The following RP1 variants were observed in gnomAD, a reference collection of about 807,000 sequenced individuals.
The protein encoded by RP1 is RP1 axonemal microtubule associated, also known as oxygen-regulated protein 1.
RP1 carries 16 observed loss-of-function variants against 14.8 expected under a neutral mutation model. That is an observed-to-expected ratio of 1.08 (90% confidence interval 0.73 to 1.65). RP1 has a LOEUF of 1.65. Ranked by LOEUF, RP1 falls within the 40% of genes most tolerant of loss-of-function variation. The pLI, the probability that RP1 is intolerant of heterozygous loss-of-function variation, is 0.00. For missense variants in RP1, 2,631 were observed against 2,535.0 expected, an observed-to-expected ratio of 1.04 and a Z score of -0.81; for synonymous variants, 876 against 883.6, an observed-to-expected ratio of 0.99 and a Z score of 0.15.
intron 3 of RP1, among the ~76,000 whole-genome samples, chr8:54,642,732 G>A (rs1383323589): frequency 6.6e-6 from 1 of 152,084 alleles, no homozygotes; most frequent in African/African-American, 2.4e-5. Context: ...GTAAATTACA[G>A]GAGTAAAATA....
chr8:54,721,599 C>A (rs958958013), intron 16 of RP1, among the ~76,000 whole-genome samples: 1 of 152,166 alleles, frequency 6.6e-6, no homozygotes, highest in African/African-American at 2.4e-5. Context: ...CATTTGTCAA[C>A]CTTAGGGTAT....
intron 12 of RP1, among the ~76,000 whole-genome samples, chr8:54,695,475 C>A (rs1170863829): frequency 6.6e-6 from 1 of 151,544 alleles, no homozygotes; most frequent in African/African-American, 2.4e-5. Context: ...TTATTGAGTT[C>A]TTACTGAAAA....
At chr8:54,751,318 T>C (rs1563365856) in intron 19 of RP1, among the ~76,000 whole-genome samples, 1 of 152,232 alleles carries the variant, frequency 6.6e-6, no homozygotes, top group Non-Finnish European at 1.5e-5. Flanking sequence ...GGCCTGAAGA[T>C]GAGAGGTCCT....
intron 1 of RP1, among the ~76,000 whole-genome samples, chr8:54,568,706 G>T (rs1396385106): frequency 1.3e-5 from 2 of 152,224 alleles, no homozygotes; most frequent in Non-Finnish European, 2.9e-5. Flanking sequence ...CCTAGTATGT[G>T]CCAGGCACAT....
intron 22 of RP1, among the ~76,000 whole-genome samples, chr8:54,763,102 C>G (rs548507158): frequency 6.6e-6 from 1 of 152,074 alleles, no homozygotes; most frequent in East Asian, 1.9e-4. Context: ...TGAGTGGATT[C>G]TGTAATGTAT....
intron 27 of RP1, among the ~76,000 whole-genome samples, chr8:54,858,120 T>A (rs1283898458): frequency 6.6e-6 from 1 of 152,150 alleles, no homozygotes; most frequent in Non-Finnish European, 1.5e-5. Context: ...CATATTTAAA[T>A]CAGTGAAATG....
rs527493384 is a variant in RP1, at chr8:54,586,298, G to C, written c.-13+26978G>C. Among the ~76,000 whole-genome samples, 4 of 152,328 alleles carry C rather than the reference G, an allele frequency of 2.6e-5. No homozygotes were observed. In the South Asian group the frequency reaches 8.3e-4, roughly 32 times the overall value. On this transcript the variant is annotated intron_variant, in intron 1 of 22. Transcript: ENST00000636932. ...GTTTGCCTGGGTATCAGCAGCAGAG[G>C]CTGCAGAACAGTGGATATTGGTGAA...
intron 15 of RP1, among the ~76,000 whole-genome samples, chr8:54,707,643 G>T (rs1260418271): frequency 2.0e-5 from 3 of 152,192 alleles, no homozygotes; most frequent in Non-Finnish European, 4.4e-5. Flanking sequence ...CTTCTTACCA[G>T]TCATGATGTC....
At position 54,823,071 on chromosome 8, in the gene RP1, T is replaced by C. The variant is rs568954803; in HGVS notation, c.3616-14379T>C. On this transcript the variant is annotated intron_variant, in intron 24 of 28. Transcript: ENST00000637698. ...TTAGTACAATGTGTGTGCATAGTTC[T>C]ACGTTGTTTTATCAGGTGTATAGCA... Among the ~76,000 whole-genome samples, 11 of 152,282 alleles carry C rather than the reference T, an allele frequency of 7.2e-5. No individual in the cohort carries two copies. The East Asian group carries it at 2.1e-3, about 29-fold the overall frequency.
chr8:54,586,350 C>T (rs1804921532), intron 1 of RP1, among the ~76,000 whole-genome samples: 1 of 152,188 alleles, frequency 6.6e-6, no homozygotes, highest in Non-Finnish European at 1.5e-5. Context: ...CTGATCCTTC[C>T]TCTGGAATTT....
At chr8:54,770,762 T>A (rs1432317903), downstream of RP1, among the ~76,000 whole-genome samples, 3 of 151,656 alleles carry the variant, frequency 2.0e-5, no homozygotes, top group Non-Finnish European at 4.4e-5. Context: ...TTATATTAAC[T>A]TCTTTTAATT....
At chr8:54,664,047 A>G (rs893120605) in intron 7 of RP1, among the ~76,000 whole-genome samples, 3 of 152,054 alleles carry the variant, frequency 2.0e-5, no homozygotes, top group African/African-American at 7.2e-5. Context: ...ACAACTCCCC[A>G]TTTCTCCTTC....
At chr8:54,745,784 C>A (rs866364888) in intron 19 of RP1, among the ~76,000 whole-genome samples, 3 of 151,308 alleles carry the variant, frequency 2.0e-5, no homozygotes, top group Non-Finnish European at 2.9e-5. Flanking sequence ...TATTTCTCAT[C>A]TACCCCAACA....
At chr8:54,784,896 A>G (rs563844456) in intron 24 of RP1, among the ~76,000 whole-genome samples, 1 of 151,924 alleles carries the variant, frequency 6.6e-6, no homozygotes, top group Non-Finnish European at 1.5e-5. Flanking sequence ...TCATATCATA[A>G]CATTCATTCA....
At chr8:54,820,344 G>A (rs1023863704) in intron 24 of RP1, among the ~76,000 whole-genome samples, 2 of 152,250 alleles carry the variant, frequency 1.3e-5, no homozygotes, top group South Asian at 4.1e-4. Flanking sequence ...GTCCAGTGAA[G>A]TACCAGGACT....
At position 54,670,703 on chromosome 8, in the gene RP1, ATAT is replaced by A. The variant is rs1295189141; in HGVS notation, c.1324-3146_1324-3144del. On this transcript the variant is annotated intron_variant, in intron 7 of 22. Coordinates refer to the RP1 transcript ENST00000636932. Reference sequence around the variant, plus strand: ...TATATATATATATATATATATATATATATAAAACATTAAGTCCTGGTGAATTAA... The same window carrying A: ...TATATATATATATATATATATATATAAAAACATTAAGTCCTGGTGAATTAA... Among the ~76,000 whole-genome samples the A allele has an allele frequency of 2.9e-3, 389 of 136,246 alleles. 23 individuals carry two copies. Among genetic ancestry groups the A allele is most frequent in the African/African-American group, 4.3e-3 (153 of 35,712 alleles). 89.4% of individuals were successfully genotyped at this position (136,246 alleles called of 152,430 possible).
At position 54,708,353 on chromosome 8, in the gene RP1, G is replaced by GTT. The variant is rs529900167; in HGVS notation, c.2211+1711_2211+1712dup. Among the ~76,000 whole-genome samples, 620 of 144,112 alleles carry GTT rather than the reference G, an allele frequency of 4.3e-3. 2 individuals carry two copies. Among genetic ancestry groups the GTT allele is most frequent in the African/African-American group, 9.9e-3 (389 of 39,228 alleles). The allele number at this position is 144,112 out of a possible 152,430, so 94.5% of individuals were successfully genotyped here. A position where few individuals can be genotyped will look rare whatever the true frequency, so the allele number is the denominator to read the frequency against. ...TACTCTAGCTGAATGGTGATTTCTG[G>GTT]TTTTTTTTTTTTTTCTTTTTTGAGA... On this transcript the variant is annotated intron_variant, in intron 15 of 22. Transcript: ENST00000636932.
intron 1 of RP1, among the ~76,000 whole-genome samples, chr8:54,570,102 C>T (rs919211463): frequency 5.3e-5 from 8 of 152,110 alleles, no homozygotes; most frequent in South Asian, 2.1e-4. Context: ...TTCCTTTGAA[C>T]GTCCCCACGC....
chr8:54,703,183 A>G (rs1254239917), intron 14 of RP1, among the ~76,000 whole-genome samples: 2 of 152,202 alleles, frequency 1.3e-5, no homozygotes, highest in Non-Finnish European at 1.5e-5. Flanking sequence ...TATTCAGTGT[A>G]CTTTGCCCAC....
Sources: allele counts gnomAD v4.1 joint callset (sites outside exome capture counted in the v4.1 genomes callset), GRCh38; gene constraint gnomAD v4.1.1; transcripts MANE v1.5; gene names NCBI Gene and HGNC (gene_info 2026-07-23, HGNC 2026-07-21).